The following COL6A2 variants were observed in gnomAD, a reference collection of about 807,000 sequenced individuals.
COL6A2 encodes the protein collagen alpha-2(VI) chain.
COL6A2 carries 90 observed loss-of-function variants against 124.9 expected under a neutral mutation model. The ratio of observed to expected loss-of-function variants is 0.72; its 90% CI spans 0.61 to 0.86. COL6A2 has a LOEUF of 0.86. Among genes scored for constraint, COL6A2 ranks in the 40% least tolerant of loss-of-function variants. COL6A2 has a pLI of 0.00. For synonymous variants in COL6A2, 793 were observed against 618.2 expected (o/e 1.28, Z -4.19); for missense variants, 1,607 against 1,502.5 (o/e 1.07, Z -1.15).
In COL6A2 at chr21:46,132,676, T is replaced by TGCTCACTCGGACGACGCCCTGGG; in HGVS notation, c.*124_*125insGCTCACTCGGACGACGCCCTGGG. 1.0e-6 allele frequency: 1 copy of TGCTCACTCGGACGACGCCCTGGG among 995,504 alleles called. No individual in the cohort carries two copies. Among genetic ancestry groups the TGCTCACTCGGACGACGCCCTGGG allele is most frequent in the Non-Finnish European group, 1.5e-6 (1 of 663,142 alleles). The allele number at this position is 995,504 out of a possible 1,614,324, so 61.7% of individuals were successfully genotyped here. A position where few individuals can be genotyped will look rare whatever the true frequency, so the allele number is the denominator to read the frequency against. ...GGACGACGCCCTGGGCCTGCACCTC[T>TGCTCACTCGGACGACGCCCTGGG]CCAGCTCCTCCCACGGGGTCCCCGT... On this transcript the variant is annotated 3_prime_UTR_variant, in exon 28 of 28. Coordinates refer to ENST00000300527, the MANE Select transcript of COL6A2 (RefSeq NM_001849.4).
rs375418399 is a variant in COL6A2, at chr21:46,117,022, G to C, written c.999+208G>C. Among the ~76,000 whole-genome samples, 31 of 152,112 alleles carry C rather than the reference G, an allele frequency of 2.0e-4. No homozygotes were observed. The East Asian group carries it at 5.8e-3, about 28-fold the overall frequency. ...CTTCACCAGCCTGCATCTAATTCAT[G>C]GCTGCACATCCCGGCTTGGGGCAGC... On this transcript the variant is annotated intron_variant, in intron 10 of 27. Coordinates refer to ENST00000300527, the MANE Select transcript of COL6A2 (RefSeq NM_001849.4).
At chr21:46,124,210 CTGGGTGGA>C (rs1007040664) in intron 21 of COL6A2, among the ~76,000 whole-genome samples, 72 of 140,884 alleles carry the variant, frequency 5.1e-4, no homozygotes, top group Non-Finnish European at 8.1e-4. Flanking sequence ...TAGTGGGTGG[CTGGGTGGA>C]TGGATGATGG....
intron 21 of COL6A2, among the ~76,000 whole-genome samples, chr21:46,123,560 TGATG>T (rs898507544): frequency 6.7e-6 from 1 of 150,292 alleles, no homozygotes; most frequent in East Asian, 2.0e-4. Context: ...GGAGGATGGG[TGATG>T]GATGGATGAG....
At chr21:46,120,658 C>CA in intron 16 of COL6A2, 81 bp downstream of exon 16, 1 of 1,319,720 alleles carries the variant, frequency 7.6e-7, no homozygotes, top group Non-Finnish European at 1.0e-6. Context: ...GTAGGGTGGC[C>CA]GGGACTGCAC....
At chr21:46,131,397 G>T (rs994752118) in intron 27 of COL6A2, among the ~76,000 whole-genome samples, 4 of 152,356 alleles carry the variant, frequency 2.6e-5, no homozygotes, top group South Asian at 4.1e-4. Context: ...GCCACAGAAG[G>T]TCTGGCTGCC....
At chr21:46,127,983 A>G (rs893027763) in intron 27 of COL6A2, among the ~76,000 whole-genome samples, 1 of 152,184 alleles carries the variant, frequency 6.6e-6, no homozygotes, top group African/African-American at 2.4e-5. Context: ...GTGGGCCCTG[A>G]TTCGCTGATG....
At chr21:46,131,671 G>A (rs1187278835) in intron 27 of COL6A2, among the ~76,000 whole-genome samples, 1 of 152,190 alleles carries the variant, frequency 6.6e-6, no homozygotes, top group Non-Finnish European at 1.5e-5. Flanking sequence ...GGCAGCCTGT[G>A]CAGGGATGGT....
intron 27 of COL6A2, among the ~76,000 whole-genome samples, chr21:46,130,397 C>G (rs531293636): frequency 6.6e-6 from 1 of 152,216 alleles, no homozygotes; most frequent in Non-Finnish European, 1.5e-5. Context: ...CTGACCCCGA[C>G]GTTCTGACTG....
At chr21:46,110,356 C>T (rs899727363) in intron 1 of COL6A2, among the ~76,000 whole-genome samples, 1 of 152,012 alleles carries the variant, frequency 6.6e-6, no homozygotes, top group Admixed American at 6.5e-5. Flanking sequence ...TTTTATCAAG[C>T]TTTGGTCACA....
At chr21:46,129,739 C>G (rs1275099746) in intron 27 of COL6A2, 2 of 1,369,354 alleles carry the variant, frequency 1.5e-6, no homozygotes, top group African/African-American at 2.9e-5. Flanking sequence ...TTATAAGAAC[C>G]CTGGTCATTG....
At chr21:46,123,722 C>T (rs368835314) in intron 21 of COL6A2, among the ~76,000 whole-genome samples, 4 of 101,978 alleles carry the variant, frequency 3.9e-5, no homozygotes, top group African/African-American at 1.5e-4. Context: ...GGTGGGTGGG[C>T]GAGTGTGTGG....
chr21:46,129,592 A>AATCGGGGTC, intron 27 of COL6A2: 15 of 1,440,688 alleles, frequency 1.0e-5, no homozygotes, highest in South Asian at 4.4e-5. Flanking sequence ...AGAGATCTGG[A>AATCGGGGTC]ATCGGGGTCA....
chr21:46,117,726 A>T, intron 11 of COL6A2, 148 bp from the exon 12 acceptor site: 1 of 864,050 alleles, frequency 1.2e-6, no homozygotes, highest in Non-Finnish European at 1.9e-6. Context: ...CAGCAGATCC[A>T]GGCCTGGCCT....
intron 1 of COL6A2, among the ~76,000 whole-genome samples, chr21:46,104,181 C>T (rs1357106793): frequency 6.7e-6 from 1 of 150,336 alleles, no homozygotes; most frequent in Non-Finnish European, 1.5e-5. Flanking sequence ...GAAAAAAAAA[C>T]AACAGAAACT....
rs374011338 is a variant in COL6A2, at chr21:46,112,219, T to C, written c.356T>C (p.Ile119Thr). 126 of 1,612,714 alleles carry C rather than the reference T, an allele frequency of 7.8e-5. No homozygotes were observed. The highest frequency in any genetic ancestry group is 5.4e-4 in the South Asian group (49 of 91,080). Residue 119 changes from isoleucine (I) to threonine (T), a missense_variant, in exon 3 of 28, where the codon ATC becomes ACC. This residue lies in a region of COL6A2 where 342 missense variants were observed against 381.5 expected (regional missense o/e 0.90). Coordinates refer to ENST00000300527, the MANE Select transcript of COL6A2 (RefSeq NM_001849.4). ...SPPGSDRASF[I>T]KNLQGISSFR... ...CCGGGCAGCGACCGGGCCTCCTTCA[T>C]CAAGAACCTGCAGGGCATCAGCTCC...
At chr21:46,108,390 T>G (rs1197385000) in intron 1 of COL6A2, among the ~76,000 whole-genome samples, 1 of 152,206 alleles carries the variant, frequency 6.6e-6, no homozygotes, top group Non-Finnish European at 1.5e-5. Context: ...TGGACATGAT[T>G]TCTGTATATG....
chr21:46,125,003 C>T lies in COL6A2; in HGVS notation c.1770+83C>T, dbSNP rs979600709. The T allele has an allele frequency of 2.6e-5, 39 of 1,527,378 alleles. No individual in the cohort carries two copies. The African/African-American group carries it at 5.1e-4, about 20-fold the overall frequency. The allele number at this position is 1,527,378 out of a possible 1,614,324, so 94.6% of individuals were successfully genotyped here. A position where few individuals can be genotyped will look rare whatever the true frequency, so the allele number is the denominator to read the frequency against. On this transcript the variant is annotated intron_variant, in intron 23 of 27. Coordinates refer to ENST00000300527, the MANE Select transcript of COL6A2 (RefSeq NM_001849.4). ...AGCAGCAGGGGTGGGGGAAGGTCAGCTGGCACGGTCAGAGAGCAAGATCAG... is the reference window on the plus strand; with the variant it reads ...AGCAGCAGGGGTGGGGGAAGGTCAGTTGGCACGGTCAGAGAGCAAGATCAG...
In COL6A2 at chr21:46,112,457, G is replaced by A. The variant is rs555180289; in HGVS notation, c.594G>A (p.Glu198=). 6.2e-6 allele frequency: 10 copies of A among 1,610,522 alleles called. No homozygotes were observed. In the South Asian group the frequency reaches 1.1e-4, roughly 18 times the overall value. ...TGGCCCCCAACCAGAACCTGAAGGA[G>A]CAGGGCCTGCGGGACATCGCCAGCA... The part of the protein sequence containing the change: ...FAVAPNQNLK[E]QGLRDIASTP... The change falls in exon 3 of 28, where the codon GAG becomes GAA. Residue 198 remains glutamate (E), a synonymous_variant. Coordinates refer to ENST00000300527, the MANE Select transcript of COL6A2 (RefSeq NM_001849.4).
intron 1 of COL6A2, among the ~76,000 whole-genome samples, chr21:46,105,748 G>A (rs2078329217): frequency 1.3e-5 from 2 of 151,934 alleles, no homozygotes; most frequent in Non-Finnish European, 1.5e-5. Flanking sequence ...ATGAGGAAGG[G>A]ATTTAAATGT....
Sources: allele counts gnomAD v4.1 joint callset (sites outside exome capture counted in the v4.1 genomes callset), GRCh38; gene constraint gnomAD v4.1.1; regional missense constraint gnomAD v4.1.1; transcripts MANE v1.5; gene names NCBI Gene and HGNC (gene_info 2026-07-23, HGNC 2026-07-21).